Variants in PCDHGB5 observed in about 807,000 individuals in gnomAD.
PCDHGB5 encodes the protein protocadherin gamma-B5.
Under a neutral mutation model 62.9 loss-of-function variants are expected in PCDHGB5, and 48 were observed. The observed-to-expected ratio is 0.76, with a 90% CI of 0.61 to 0.97. The LOEUF (loss-of-function observed/expected upper bound fraction) is 0.97, where lower values mean the gene tolerates loss of function less well. Among genes scored for constraint, PCDHGB5 ranks in the 50% least tolerant of loss-of-function variants. PCDHGB5 has a pLI of 0.00. For synonymous variants in PCDHGB5, 474 were observed against 511.2 expected, an observed-to-expected ratio of 0.93 and a Z score of 0.98; for missense variants, 1,118 against 1,198.6, an observed-to-expected ratio of 0.93 and a Z score of 0.99.
At position 141,398,829 on chromosome 5, in the gene PCDHGB5, C is replaced by T. The variant is rs1020690994; in HGVS notation, c.702C>T (p.Asp234=). The T allele has an allele frequency of 3.1e-6, 5 of 1,613,876 alleles. No homozygotes were observed. The highest frequency in any genetic ancestry group is 2.7e-5 in the African/African-American group (2 of 74,942). ...CTGAGCTCCGGATCCAGGTAACCGACGCCAATGATAATCCCCCGGTATTCA... is the reference window on the plus strand; with the variant it reads ...CTGAGCTCCGGATCCAGGTAACCGATGCCAATGATAATCCCCCGGTATTCA... The part of the protein sequence containing the change: ...GTTELRIQVT[D]ANDNPPVFNR... The change falls in exon 1 of 4, where the codon GAC becomes GAT. Residue 234 remains aspartate, a synonymous_variant. Transcript: ENST00000617380.
chr5:141,482,492 T>C (rs1167963137), intron 1 of PCDHGB5, among the ~76,000 whole-genome samples: 1 of 144,468 alleles, frequency 6.9e-6, no homozygotes, highest in Non-Finnish European at 1.5e-5. Flanking sequence ...TTAAAAGTTA[T>C]CATTCTGGTA....
At chr5:141,415,982 T>G in intron 1 of PCDHGB5, 1 of 342,492 alleles carries the variant, frequency 2.9e-6, no homozygotes, top group Non-Finnish European at 4.9e-6. Flanking sequence ...AGCAACCCTC[T>G]TGTTCTGAAG....
chr5:141,435,904 C>G (rs967350870), intron 1 of PCDHGB5, among the ~76,000 whole-genome samples: 2 of 152,068 alleles, frequency 1.3e-5, no homozygotes, highest in Admixed American at 6.5e-5. Context: ...TGAAAGACAT[C>G]CAAGGGCTCT....
At chr5:141,421,797 C>T in intron 1 of PCDHGB5, 1 of 1,613,744 alleles carries the variant, frequency 6.2e-7, no homozygotes, top group Non-Finnish European at 8.5e-7. Context: ...CGGATGGGGC[C>T]AAGAATCCAG....
chr5:141,432,415 G>A lies in PCDHGB5; in HGVS notation c.2397+31891G>A, dbSNP rs2097498934. The A allele has an allele frequency of 6.2e-7, 1 of 1,614,112 alleles. No homozygotes were observed. The highest frequency in any genetic ancestry group is 1.1e-5 in the South Asian group (1 of 91,092). On this transcript the variant is annotated intron_variant, in intron 1 of 3. Transcript: ENST00000617380. This position sits in a 1 kb window ranked among gnomAD's most constrained non-coding sequence, Gnocchi z 6.0. ...GCAACGTGTCGTTGAGCCTGTTCGT[G>A]CTGGACCAGAACGACAATGCGCCCG... is the stretch of plus-strand genomic sequence containing the variant.
intron 1 of PCDHGB5, among the ~76,000 whole-genome samples, chr5:141,444,000 A>T (rs2098413157): frequency 6.6e-6 from 1 of 152,070 alleles, no homozygotes; most frequent in African/African-American, 2.4e-5. Context: ...TTTAAATGCT[A>T]CCTGGGTATT....
In PCDHGB5 at chr5:141,432,785, G is replaced by A. The variant is rs1356593437; in HGVS notation, c.2397+32261G>A. 2.5e-6 allele frequency: 4 copies of A among 1,613,992 alleles called. No individual in the cohort carries two copies. The African/African-American group carries it at 4.0e-5, about 16-fold the overall frequency. On this transcript the variant is annotated intron_variant, in intron 1 of 3. Transcript: ENST00000617380. The surrounding 1 kb of genome is among the most constrained non-coding windows in gnomAD (Gnocchi z 6.0). ...CATCCCCCAAGTCCTGGCGGACCTC[G>A]GCAGCCTCGAGTCTCCAGCTAACTC...
Position 141,510,946 on chromosome 5 carries a change from GA to G in PCDHGB5, c.2547del (p.Ala850LeufsTer17). The G allele has an allele frequency of 6.2e-7, 1 of 1,614,128 alleles. No homozygotes were observed. ...LQAMILASAS[E>X]AADGSSTLGG... ...CACCTGATCTTCCTCTGTCTCTGCA[GA>G]AGCTGCTGATGGGAGCTCCACCCTG... On this transcript the variant is annotated frameshift_variant and splice_region_variant, in exon 4 of 4. Coordinates refer to ENST00000617380, the MANE Select transcript of PCDHGB5 (RefSeq NM_018925.3). LOFTEE classifies it high-confidence loss of function.
Position 141,491,215 on chromosome 5 carries a change from A to G in PCDHGB5, c.2398-3592A>G, listed in dbSNP as rs546893944. 2.5e-6 allele frequency: 4 copies of G among 1,614,196 alleles called. No individual in the cohort carries two copies. Among genetic ancestry groups the G allele is most frequent in the Non-Finnish European group, 3.4e-6 (4 of 1,180,036 alleles). On this transcript the variant is annotated intron_variant, in intron 1 of 3. Coordinates refer to ENST00000617380, the MANE Select transcript of PCDHGB5 (RefSeq NM_018925.3). This position sits in a 1 kb window ranked among gnomAD's most constrained non-coding sequence, Gnocchi z 6.9. ...CAATGGTGACCCTTCACTCTCCTCC[A>G]CAGCCACAGTGCTGCTGGTTCTGGA...
chr5:141,419,138 A>G (rs1590146439), intron 1 of PCDHGB5: 1 of 1,613,920 alleles, frequency 6.2e-7, no homozygotes, highest in Non-Finnish European at 8.5e-7. Flanking sequence ...AGCCACAGAC[A>G]GGGGCAAGCC....
intron 1 of PCDHGB5, among the ~76,000 whole-genome samples, chr5:141,439,662 G>A (rs2098125902): frequency 6.6e-6 from 1 of 152,150 alleles, no homozygotes; most frequent in South Asian, 2.1e-4. Flanking sequence ...TAATTTCATG[G>A]AATGCAAATC....
rs2094486958 is a variant in PCDHGB5, at chr5:141,404,117, A to C, written c.2397+3593A>C. 3 of 1,613,468 alleles carry C rather than the reference A, an allele frequency of 1.9e-6. No homozygotes were observed. Among genetic ancestry groups the C allele is most frequent in the Non-Finnish European group, 1.7e-6 (2 of 1,179,548 alleles). On this transcript the variant is annotated intron_variant, in intron 1 of 3. Coordinates refer to ENST00000617380, the MANE Select transcript of PCDHGB5 (RefSeq NM_018925.3). ...TCAAGTTGTCTGTTCTATCCAGGAG[A>C]ATCTATCTTTTACATTAGAAAATTC...
chr5:141,509,068 G>T (rs1267011061), intron 3 of PCDHGB5, among the ~76,000 whole-genome samples: 1 of 152,144 alleles, frequency 6.6e-6, no homozygotes, highest in Non-Finnish European at 1.5e-5. Context: ...TCTCAGCTCC[G>T]GGGATTTGCG....
At chr5:141,438,629 TATATATACAC>T (rs1412065186) in intron 1 of PCDHGB5, among the ~76,000 whole-genome samples, 590 of 47,950 alleles carry the variant, frequency 0.012, no homozygotes, top group African/African-American at 0.039. Flanking sequence ...TATATATATA[TATATATACAC>T]ACACACACAC....
rs1002764667 is a variant in PCDHGB5, at chr5:141,468,260, G to A, written c.2398-26547G>A. 4.0e-5 allele frequency among the ~76,000 whole-genome samples: 6 copies of A among 150,102 alleles called. No homozygotes were observed. The East Asian group carries it at 1.2e-3, about 30-fold the overall frequency. ...GAATTGCCTGAACCTGGGAGGCAGA[G>A]GTTGTGGTGAGCCGAGACCACGCCA... On this transcript the variant is annotated intron_variant, in intron 1 of 3. Coordinates refer to ENST00000617380, the MANE Select transcript of PCDHGB5 (RefSeq NM_018925.3).
rs1464357405 is a variant in PCDHGB5 at position 141,476,385 on chromosome 5, A to G, written c.2398-18422A>G. On this transcript the variant is annotated intron_variant, in intron 1 of 3. Coordinates refer to ENST00000617380, the MANE Select transcript of PCDHGB5 (RefSeq NM_018925.3). The surrounding 1 kb of genome is among the most constrained non-coding windows in gnomAD (Gnocchi z 7.6). ...GAGACCGGAGAGATGTTTGTGAACG[A>G]CCGTCTGGATCGAGAGGAGCTGTGT... The G allele has an allele frequency of 4.3e-6, 7 of 1,614,062 alleles. No homozygotes were observed. The highest frequency in any genetic ancestry group is 5.9e-6 in the Non-Finnish European group (7 of 1,180,020).
chr5:141,485,214 G>T lies in PCDHGB5; in HGVS notation c.2398-9593G>T. 6.2e-7 allele frequency: 1 copy of T among 1,614,164 alleles called. No individual in the cohort carries two copies. The highest frequency in any genetic ancestry group is 8.5e-7 in the Non-Finnish European group (1 of 1,179,996). On this transcript the variant is annotated intron_variant, in intron 1 of 3. Transcript: ENST00000617380. This position sits in a 1 kb window ranked among gnomAD's most constrained non-coding sequence, Gnocchi z 5.7. ...AGAAGCTGGACAGAAATCTGGCGGT[G>T]GGCTACCCTTTTGTTCCTCTTTTAC...
intron 1 of PCDHGB5, chr5:141,404,308 C>G: frequency 1.2e-6 from 2 of 1,613,918 alleles, no homozygotes; most frequent in East Asian, 2.2e-5. Flanking sequence ...CACCTGCTTT[C>G]TCTCAAGCCT....
rs779065098 is a variant in PCDHGB5 at position 141,491,758 on chromosome 5, C to T, written c.2398-3049C>T. 1.8e-5 allele frequency: 29 copies of T among 1,578,670 alleles called. No homozygotes were observed. Among genetic ancestry groups the T allele is most frequent in the Non-Finnish European group, 2.2e-5 (26 of 1,163,530 alleles). ...TGGGGGCGGCACTGGAGAAGCCGCC[C>T]GTCCTCATAAGGGATTGAACTTGCA... On this transcript the variant is annotated intron_variant, in intron 1 of 3. Transcript: ENST00000617380. The surrounding 1 kb of genome is among the most constrained non-coding windows in gnomAD (Gnocchi z 6.9).
Sources: allele counts gnomAD v4.1 joint callset (sites outside exome capture counted in the v4.1 genomes callset), GRCh38; gene constraint gnomAD v4.1.1; non-coding constraint Gnocchi (gnomAD v3.1); transcripts MANE v1.5; gene names NCBI Gene and HGNC (gene_info 2026-07-23, HGNC 2026-07-21).